The following MCTP2 variants were observed in gnomAD, a reference collection of about 807,000 sequenced individuals.
MCTP2 encodes the protein multiple C2 and transmembrane domain-containing protein 2.
Under a neutral mutation model 111.6 loss-of-function variants are expected in MCTP2, and 132 were observed. The observed-to-expected ratio is 1.18, with a 90% confidence interval of 1.03 to 1.37. MCTP2 has a LOEUF of 1.37. MCTP2 is among the 40% of genes most tolerant of loss of function. The pLI is 0.00. For synonymous variants in MCTP2, 395 were observed against 387.7 expected, an observed-to-expected ratio of 1.02 and a Z score of -0.22; for missense variants, 1,183 against 1,067.9, an observed-to-expected ratio of 1.11 and a Z score of -1.50.
chr15:94,465,225 C>T (rs1338297215), intron 20 of MCTP2, among the ~76,000 whole-genome samples: 1 of 152,034 alleles, frequency 6.6e-6, no homozygotes, highest in African/African-American at 2.4e-5. Flanking sequence ...TTCCTAAATA[C>T]CTTGTTGACC....
At chr15:94,375,246 G>A (rs983521606) in intron 12 of MCTP2, among the ~76,000 whole-genome samples, 8 of 152,056 alleles carry the variant, frequency 5.3e-5, no homozygotes, top group East Asian at 1.9e-4. Context: ...AGAGGATAGC[G>A]CTAAACCATT....
chr15:94,245,110 A>G (rs1324473967), intron 1 of MCTP2, among the ~76,000 whole-genome samples: 1 of 149,408 alleles, frequency 6.7e-6, no homozygotes, highest in African/African-American at 2.4e-5. Flanking sequence ...CTATGTTTAT[A>G]TATGTATATG....
At chr15:94,350,811 C>G (rs2078261432) in intron 8 of MCTP2, among the ~76,000 whole-genome samples, 1 of 152,254 alleles carries the variant, frequency 6.6e-6, no homozygotes, top group African/African-American at 2.4e-5. Context: ...CTTGAGCTTC[C>G]TACAGGTCAG....
chr15:94,427,454 A>G (rs1005457154), intron 17 of MCTP2, among the ~76,000 whole-genome samples: 5 of 152,114 alleles, frequency 3.3e-5, no homozygotes, highest in African/African-American at 1.2e-4. Context: ...GGTGAAGGGG[A>G]AGCACCATGT....
At chr15:94,252,370 G>A (rs1377767458) in intron 1 of MCTP2, among the ~76,000 whole-genome samples, 1 of 152,144 alleles carries the variant, frequency 6.6e-6, no homozygotes, top group Non-Finnish European at 1.5e-5. Context: ...AAGAATTAGT[G>A]ATATTGAGTA....
At chr15:94,370,011 C>A in intron 11 of MCTP2, 76 bp from the exon 12 acceptor site, 3 of 859,946 alleles carry the variant, frequency 3.5e-6, no homozygotes, top group Non-Finnish European at 5.2e-6. Context: ...CTAGGATGCA[C>A]TTCCTATAGG....
intron 1 of MCTP2, among the ~76,000 whole-genome samples, chr15:94,256,990 C>T (rs890374904): frequency 2.0e-5 from 3 of 152,144 alleles, no homozygotes; most frequent in Non-Finnish European, 4.4e-5. Context: ...CCTGACTTCC[C>T]AATTCACTTA....
At chr15:94,320,498 A>T (rs1391569809) in intron 4 of MCTP2, among the ~76,000 whole-genome samples, 4 of 152,174 alleles carry the variant, frequency 2.6e-5, no homozygotes, top group Admixed American at 1.3e-4. Context: ...TATACACAGA[A>T]TATTTTTAAT....
Position 94,476,753 on chromosome 15 carries a change from T to TACTA in MCTP2, c.2529_2532dup (p.Asp845ThrfsTer6). On this transcript the variant is annotated frameshift_variant, in exon 22 of 23. Coordinates refer to ENST00000357742, the MANE Select transcript of MCTP2 (RefSeq NM_001385001.1). LOFTEE classifies it high-confidence loss of function. Reference sequence around the variant, plus strand: ...CCCTATTCCATCGACAATAATGAGCTACTAGACTTCCTCTCTAGGGTACCG... The same window carrying TACTA: ...CCCTATTCCATCGACAATAATGAGCTACTAACTAGACTTCCTCTCTAGGGTACCG... The TACTA allele has an allele frequency of 6.2e-7, 1 of 1,608,980 alleles. No homozygotes were observed. Among genetic ancestry groups the TACTA allele is most frequent in the Non-Finnish European group, 8.5e-7 (1 of 1,175,474 alleles).
At chr15:94,381,270 G>C (rs1259218040) in intron 12 of MCTP2, among the ~76,000 whole-genome samples, 1 of 152,212 alleles carries the variant, frequency 6.6e-6, no homozygotes, top group Non-Finnish European at 1.5e-5. Context: ...TCCATAAAAT[G>C]TGCATAAATT....
intron 14 of MCTP2, among the ~76,000 whole-genome samples, chr15:94,387,693 T>G (rs28528271): frequency 0.013 from 1,909 of 152,292 alleles, 35 homozygotes; most frequent in African/African-American, 0.045. Flanking sequence ...GCTTTTGTTA[T>G]AGTAGCAGGA....
chr15:94,322,235 A>G (rs758123305), intron 4 of MCTP2, among the ~76,000 whole-genome samples: 4 of 152,148 alleles, frequency 2.6e-5, no homozygotes, highest in Non-Finnish European at 5.9e-5. Context: ...ATGTGTTGCA[A>G]CCTTGACCAT....
At chr15:94,241,591 A>T (rs2070961585) in intron 1 of MCTP2, among the ~76,000 whole-genome samples, 1 of 152,170 alleles carries the variant, frequency 6.6e-6, no homozygotes, top group African/African-American at 2.4e-5. Flanking sequence ...AAAGTATGTG[A>T]TTAAGCATAG....
At chr15:94,349,253 C>G (rs767843396) in intron 8 of MCTP2, among the ~76,000 whole-genome samples, 16 of 152,230 alleles carry the variant, frequency 1.1e-4, no homozygotes, top group East Asian at 3.9e-4. Flanking sequence ...TCAGAACTTT[C>G]AAAGCTTGTA....
chr15:94,407,128 G>A lies in MCTP2; in HGVS notation c.2085+5109G>A, dbSNP rs141973590. ...AGATCCAATCATGTATGGGTGTTTT[G>A]TTATGACATACTTATATTTTATAAA... On this transcript the variant is annotated intron_variant, in intron 17 of 22. Transcript: ENST00000357742. Among the ~76,000 whole-genome samples, 268 of 152,102 alleles carry A rather than the reference G, an allele frequency of 1.8e-3. 1 individual carries two copies. Among genetic ancestry groups the A allele is most frequent in the African/African-American group, 6.2e-3 (259 of 41,512 alleles).
At chr15:94,242,452 C>T (rs1337376891) in intron 1 of MCTP2, among the ~76,000 whole-genome samples, 6 of 152,124 alleles carry the variant, frequency 3.9e-5, no homozygotes, top group South Asian at 4.1e-4. Context: ...TGCCTGCCTA[C>T]GCTGTTATGT....
intron 16 of MCTP2, 73 bp from the exon 17 acceptor site, chr15:94,401,827 C>T: frequency 1.7e-6 from 2 of 1,177,322 alleles, no homozygotes; most frequent in Non-Finnish European, 2.4e-6. Context: ...TTTAAATGAT[C>T]AGGGTACCTG....
intron 17 of MCTP2, among the ~76,000 whole-genome samples, chr15:94,435,629 C>CTTTTTTTT (rs202170550): frequency 8.5e-6 from 1 of 117,922 alleles, no homozygotes; most frequent in African/African-American, 3.1e-5. Flanking sequence ...TTTTTTTATT[C>CTTTTTTTT]TTTTTTTTTT....
intron 4 of MCTP2, among the ~76,000 whole-genome samples, chr15:94,335,129 C>T (rs1310457151): frequency 6.6e-6 from 1 of 152,168 alleles, no homozygotes; most frequent in East Asian, 1.9e-4. Context: ...CTAGCTTTAC[C>T]CTCTTTCTTC....
Sources: allele counts gnomAD v4.1 joint callset (sites outside exome capture counted in the v4.1 genomes callset), GRCh38; gene constraint gnomAD v4.1.1; transcripts MANE v1.5; gene names NCBI Gene and HGNC (gene_info 2026-07-23, HGNC 2026-07-21).